STON2: variants seen among roughly 807,000 people sequenced by gnomAD.
STON2 encodes stonin 2, also known as stonin-2.
Under a neutral mutation model 65.7 loss-of-function variants are expected in STON2, and 29 were observed. That is an observed-to-expected ratio of 0.44 (90% confidence interval 0.33 to 0.60). STON2 has a LOEUF of 0.60. STON2 is among the 20% of genes least tolerant of loss of function. STON2 has a pLI of 0.03. For missense variants in STON2, 1,054 were observed against 1,118.1 expected, an observed-to-expected ratio of 0.94 and a Z score of 0.82; for synonymous variants, 404 against 414.2, an observed-to-expected ratio of 0.98 and a Z score of 0.30.
chr14:81,349,318 A>C (rs1010454216), intron 4 of STON2, among the ~76,000 whole-genome samples: 13 of 152,182 alleles, frequency 8.5e-5, no homozygotes, highest in Non-Finnish European at 1.9e-4. Context: ...TGAATGGGAA[A>C]AAACATTTTC....
intron 6 of STON2, among the ~76,000 whole-genome samples, chr14:81,273,210 A>G (rs1894667959): frequency 6.6e-6 from 1 of 152,242 alleles, no homozygotes; most frequent in African/African-American, 2.4e-5. Flanking sequence ...CTTTACTAGA[A>G]TTCTAGCATC....
chr14:81,400,543 A>C (rs1365100124), upstream of STON2, among the ~76,000 whole-genome samples: 1 of 151,710 alleles, frequency 6.6e-6, no homozygotes, highest in African/African-American at 2.4e-5. Context: ...GTCATCACTC[A>C]ATGGGGAAAA....
intron 5 of STON2, among the ~76,000 whole-genome samples, chr14:81,297,781 G>A (rs1304579140): frequency 6.6e-6 from 1 of 152,252 alleles, no homozygotes; most frequent in Non-Finnish European, 1.5e-5. Flanking sequence ...GCTCACGCCT[G>A]TAATCCCAGC....
intron 4 of STON2, among the ~76,000 whole-genome samples, chr14:81,355,559 G>C (rs1595387866): frequency 6.6e-6 from 1 of 152,188 alleles, no homozygotes; most frequent in African/African-American, 2.4e-5. Flanking sequence ...CCTCTGAAAT[G>C]AGGGAAAAAT....
chr14:81,375,888 G>C (rs1899230294), intron 3 of STON2, among the ~76,000 whole-genome samples: 1 of 150,260 alleles, frequency 6.7e-6, no homozygotes, highest in Admixed American at 6.7e-5. Flanking sequence ...TAGTTGTCTG[G>C]TTAACTAGTA....
chr14:81,308,776 T>G (rs1896281341), intron 5 of STON2, among the ~76,000 whole-genome samples: 3 of 24,592 alleles, frequency 1.2e-4, no homozygotes, highest in Non-Finnish European at 2.2e-4. Context: ...GGACATGGTT[T>G]TACCCATATA....
At chr14:81,333,678 G>A (rs889994484) in intron 4 of STON2, among the ~76,000 whole-genome samples, 2 of 152,184 alleles carry the variant, frequency 1.3e-5, no homozygotes, top group Non-Finnish European at 2.9e-5. Context: ...TATGGTACAA[G>A]AACTTGAGCT....
At chr14:81,412,223 T>A (rs925172372) in intron 2 of STON2, among the ~76,000 whole-genome samples, 2 of 139,700 alleles carry the variant, frequency 1.4e-5, no homozygotes, top group Admixed American at 1.4e-4. Flanking sequence ...ATTTGCCTTT[T>A]TCGAAACTCA....
chr14:81,338,487 GA>G (rs1295555145), intron 4 of STON2, among the ~76,000 whole-genome samples: 4 of 152,170 alleles, frequency 2.6e-5, no homozygotes, highest in Admixed American at 6.5e-5. Context: ...TCCTTTAAAT[GA>G]GAAACCAGTA....
chr14:81,359,220 A>C, intron 4 of STON2, among the ~76,000 whole-genome samples: 1 of 152,256 alleles, frequency 6.6e-6, no homozygotes, highest in African/African-American at 2.4e-5. Flanking sequence ...ACAAATGGAA[A>C]TCAATCACAT....
intron 5 of STON2, among the ~76,000 whole-genome samples, chr14:81,303,513 A>G (rs192272169): frequency 6.6e-6 from 1 of 152,320 alleles, no homozygotes; most frequent in East Asian, 1.9e-4. Context: ...ACAGTGACAC[A>G]CTGAAACAGG....
chr14:81,361,762 C>A (rs1268427603), intron 4 of STON2, among the ~76,000 whole-genome samples: 1 of 151,722 alleles, frequency 6.6e-6, no homozygotes, highest in Non-Finnish European at 1.5e-5. Flanking sequence ...GGATTAATAT[C>A]CAAGATATAT....
Position 81,412,982 on chromosome 14 carries a change from A to G in STON2, c.-199+14120T>C, listed in dbSNP as rs976601970. The G allele has an allele frequency of 1.7e-5, 18 of 1,063,048 alleles. 1 individual carries two copies. Among genetic ancestry groups the G allele is most frequent in the Non-Finnish European group, 2.4e-5 (17 of 716,978 alleles). 65.9% of individuals were successfully genotyped at this position (1,063,048 alleles called of 1,614,324 possible). A position where few individuals can be genotyped will look rare whatever the true frequency, so the allele number is the denominator to read the frequency against. On this transcript the variant is annotated intron_variant, in intron 2 of 8. Transcript: ENST00000553821. ...TCCATGGGTAACCATGTGCGACCAA[A>G]AGGCCGTGATCAAAAATGCGGACAT... is the stretch of plus-strand genomic sequence containing the variant.
At chr14:81,316,257 G>A (rs1327105118) in intron 5 of STON2, among the ~76,000 whole-genome samples, 2 of 152,178 alleles carry the variant, frequency 1.3e-5, no homozygotes, top group Non-Finnish European at 2.9e-5. Flanking sequence ...CAAAGACTTT[G>A]TGAGAACTTC....
At chr14:81,341,872 A>T (rs1158590247) in intron 4 of STON2, among the ~76,000 whole-genome samples, 1 of 152,130 alleles carries the variant, frequency 6.6e-6, no homozygotes, top group Non-Finnish European at 1.5e-5. Context: ...AATCACAAAG[A>T]TTTATTTTTC....
chr14:81,386,412 T>C (rs945505487), intron 3 of STON2, among the ~76,000 whole-genome samples: 3 of 151,932 alleles, frequency 2.0e-5, no homozygotes, highest in Non-Finnish European at 4.4e-5. Flanking sequence ...TTCTTCAGGA[T>C]GAAGCCTCTC....
At chr14:81,353,530 C>T (rs1898104136) in intron 4 of STON2, among the ~76,000 whole-genome samples, 1 of 152,164 alleles carries the variant, frequency 6.6e-6, no homozygotes, top group Admixed American at 6.5e-5. Context: ...AAATGAAAAC[C>T]TCATGGAAAG....
At chr14:81,337,508 G>A (rs905933810) in intron 4 of STON2, among the ~76,000 whole-genome samples, 1 of 152,190 alleles carries the variant, frequency 6.6e-6, no homozygotes, top group Non-Finnish European at 1.5e-5. Context: ...AAGAGGTAGA[G>A]AAGAAAGAGG....
chr14:81,335,476 T>C (rs893475876), intron 4 of STON2, among the ~76,000 whole-genome samples: 15 of 152,192 alleles, frequency 9.9e-5, no homozygotes, highest in African/African-American at 3.6e-4. Context: ...GAAAGGAAGC[T>C]GCTGGGTAAG....
Sources: gnomAD v4.1 joint callset for allele counts (sites outside exome capture counted in the v4.1 genomes callset) on GRCh38, gnomAD v4.1.1 for gene constraint, MANE v1.5 for transcripts, NCBI Gene and HGNC (gene_info 2026-07-23, HGNC 2026-07-21) for gene names.